WDR86: variants seen among roughly 807,000 people sequenced by gnomAD.
WDR86 encodes the protein WD repeat domain 86, also known as WD repeat-containing protein 86.
A neutral mutation model predicts 36.5 loss-of-function variants in WDR86; 30 were observed. That is an observed-to-expected ratio of 0.82 (90% CI 0.61 to 1.11). The LOEUF (loss-of-function observed/expected upper bound fraction) is 1.11. Among genes scored for constraint, WDR86 ranks in the 50% most tolerant of loss-of-function variants. The probability of loss-of-function intolerance (pLI) is 0.00; values close to 1 mark genes in which losing one functional copy is unlikely to be tolerated. For missense variants in WDR86, 545 were observed against 561.2 expected, an observed-to-expected ratio of 0.97 and a Z score of 0.29; for synonymous variants, 255 against 252.9, an observed-to-expected ratio of 1.01 and a Z score of -0.08.
chr7:151,409,346 T>TGCGGGCGCAGGAGCTGGGGTCC lies in WDR86; in HGVS notation c.163+59_163+80dup. The TGCGGGCGCAGGAGCTGGGGTCC allele has an allele frequency of 6.5e-7, 1 of 1,531,788 alleles. No homozygotes were observed. Among genetic ancestry groups the TGCGGGCGCAGGAGCTGGGGTCC allele is most frequent in the Non-Finnish European group, 8.8e-7 (1 of 1,133,522 alleles). The allele number at this position is 1,531,788 out of a possible 1,614,324, so 94.9% of individuals were successfully genotyped here. On this transcript the variant is annotated intron_variant, in intron 1 of 5. Coordinates refer to ENST00000334493, the MANE Select transcript of WDR86 (RefSeq NM_198285.3). The surrounding 1 kb of genome is among the most constrained non-coding windows in gnomAD (Gnocchi z 5.2). ...GGGGCTGGACTTCTAGAAAGGGGTC[T>TGCGGGCGCAGGAGCTGGGGTCC]GCGGGCGCAGGAGCTGGGGTCCGCG...
chr7:151,395,939 G>A lies in WDR86; in HGVS notation c.563C>T (p.Thr188Met), dbSNP rs769954351. 5.3e-5 allele frequency: 85 copies of A among 1,593,602 alleles called. No individual in the cohort carries two copies. Among genetic ancestry groups the A allele is most frequent in the Middle Eastern group, 1.8e-4 (1 of 5,598 alleles). ...CACTGCACCCGTGTGGCCCCGCAGC[G>A]TCTGGTGGCAGCAGCCGCTGGCCAC... ...WQVASGCCHQ[T>M]LRGHTGAVLC... The change falls in exon 3 of 6, where the codon ACG becomes ATG. Residue 188 changes from threonine (T) to methionine (M), a missense_variant. By Grantham distance (81) the Thr-to-Met change is moderately conservative. Coordinates refer to ENST00000334493, the MANE Select transcript of WDR86 (RefSeq NM_198285.3).
downstream of WDR86, chr7:151,378,436 A>AAT (rs1798413522): frequency 6.6e-6 from 1 of 152,236 alleles, no homozygotes; most frequent in South Asian, 2.1e-4. Context: ...AAAGGTGGGA[A>AAT]ATATATTCAA....
At chr7:151,374,121 G>A (rs1438676116), downstream of WDR86, 6 of 1,565,782 alleles carry the variant, frequency 3.8e-6, no homozygotes, top group Non-Finnish European at 5.2e-6. Context: ...AAGGAAGGAG[G>A]AAAAAGAGAA....
At chr7:151,376,706 G>A, downstream of WDR86, 1 of 1,609,048 alleles carries the variant, frequency 6.2e-7, no homozygotes, top group Non-Finnish European at 8.5e-7. Context: ...CGTCCAGCTG[G>A]CCGCCCAGAC....
chr7:151,410,063 C>T, upstream of WDR86: 1 of 986,570 alleles, frequency 1.0e-6, no homozygotes, highest in Non-Finnish European at 1.2e-6. Flanking sequence ...CCTCAGAGAC[C>T]ACCCCTCACC....
chr7:151,369,030 C>A, the WDR86 span: 1 of 957,660 alleles, frequency 1.0e-6, no homozygotes, highest in Non-Finnish European at 1.5e-6. Flanking sequence ...TTTCTTGAGA[C>A]AGAGTCTCAC....
downstream of WDR86, among the ~76,000 whole-genome samples, chr7:151,371,626 C>G (rs1038387486): frequency 6.6e-6 from 1 of 152,196 alleles, no homozygotes; most frequent in African/African-American, 2.4e-5. Context: ...AAGACAAAAA[C>G]AATGTCCCAC....
downstream of WDR86, among the ~76,000 whole-genome samples, chr7:151,379,710 G>A (rs1247234349): frequency 6.6e-6 from 1 of 152,220 alleles, no homozygotes; most frequent in Non-Finnish European, 1.5e-5. Context: ...CAGCGCCCGT[G>A]TTTTGGGTCC....
chr7:151,407,472 C>T (rs532863584), intron 1 of WDR86, among the ~76,000 whole-genome samples: 1 of 152,338 alleles, frequency 6.6e-6, no homozygotes, highest in Admixed American at 6.5e-5. Context: ...AAGCTGGGCT[C>T]CCACAACCCG....
Position 151,391,578 on chromosome 7 carries a change from G to A in WDR86, c.726+4198C>T, listed in dbSNP as rs114468571. On this transcript the variant is annotated intron_variant, in intron 3 of 5. Coordinates refer to ENST00000334493, the MANE Select transcript of WDR86 (RefSeq NM_198285.3). ...TGGATTCTGTTTCTCTGCGCACCGGGTCTGGGGCCCGACAGTCCTTTTCAA... is the reference window on the plus strand; with the variant it reads ...TGGATTCTGTTTCTCTGCGCACCGGATCTGGGGCCCGACAGTCCTTTTCAA... Among the ~76,000 whole-genome samples the A allele has an allele frequency of 9.4e-3, 1,437 of 152,258 alleles. 21 individuals are homozygous for A. The highest frequency in any genetic ancestry group is 0.033 in the African/African-American group (1,366 of 41,524).
chr7:151,400,807 A>C (rs1267696934), intron 1 of WDR86, among the ~76,000 whole-genome samples: 1 of 152,236 alleles, frequency 6.6e-6, no homozygotes, highest in Non-Finnish European at 1.5e-5. Context: ...AACCATGGCG[A>C]CTGCGCCGTC....
chr7:151,371,742 A>G (rs1181110004), downstream of WDR86, among the ~76,000 whole-genome samples: 1 of 152,180 alleles, frequency 6.6e-6, no homozygotes, highest in Non-Finnish European at 1.5e-5. Flanking sequence ...ATGTAAAACA[A>G]TTCGTTCATG....
rs893410207 is a variant in WDR86 at position 151,409,247 on chromosome 7, T to A, written c.163+180A>T. The A allele has an allele frequency of 5.2e-4, 435 of 839,400 alleles. No homozygotes were observed. The highest frequency in any genetic ancestry group is 1.2e-3 in the East Asian group (21 of 17,170). 52.0% of individuals were successfully genotyped at this position (839,400 alleles called of 1,614,324 possible). On this transcript the variant is annotated intron_variant, in intron 1 of 5. Coordinates refer to ENST00000334493, the MANE Select transcript of WDR86 (RefSeq NM_198285.3). This position sits in a 1 kb window ranked among gnomAD's most constrained non-coding sequence, Gnocchi z 5.2. The stretch of plus-strand genomic sequence containing the variant: ...CGCACCCCACCCCCAGACCTCACCC[T>A]GCCCTGCCGTGCGCTCAACAGCCAG...
chr7:151,374,364 T>C, downstream of WDR86: 1 of 1,282,648 alleles, frequency 7.8e-7, no homozygotes, highest in Non-Finnish European at 1.1e-6. Flanking sequence ...GTCATCCGGA[T>C]CTGAAGGGCA....
chr7:151,395,627 C>G, intron 3 of WDR86, 149 bp downstream of exon 3: 1 of 973,886 alleles, frequency 1.0e-6, no homozygotes, highest in Non-Finnish European at 1.5e-6. Context: ...TTCCCAGCCC[C>G]AGGACCGCAA....
chr7:151,395,189 C>T (rs1585023114), intron 3 of WDR86, among the ~76,000 whole-genome samples: 1 of 152,192 alleles, frequency 6.6e-6, no homozygotes, highest in South Asian at 2.1e-4. Flanking sequence ...AGGACGGAGC[C>T]CAGGAGGCTG....
intron 3 of WDR86, among the ~76,000 whole-genome samples, chr7:151,391,312 C>T (rs959195662): frequency 2.6e-5 from 4 of 152,260 alleles, no homozygotes; most frequent in Non-Finnish European, 5.9e-5. Flanking sequence ...CCCTGAATCT[C>T]TGTCAGGAAG....
intron 1 of WDR86, among the ~76,000 whole-genome samples, chr7:151,404,517 CG>C (rs1265889033): frequency 1.3e-5 from 2 of 152,144 alleles, no homozygotes; most frequent in Non-Finnish European, 2.9e-5. Flanking sequence ...GTCACCCTAG[CG>C]GGGAGGAGGC....
chr7:151,398,403 A>G (rs1173170534), intron 2 of WDR86, among the ~76,000 whole-genome samples: 12 of 133,112 alleles, frequency 9.0e-5, no homozygotes, highest in Admixed American at 8.7e-4. Context: ...GTATGGGTGT[A>G]TATGTATGTT....
Sources: gnomAD v4.1 joint callset for allele counts (sites outside exome capture counted in the v4.1 genomes callset) on GRCh38, gnomAD v4.1.1 for gene constraint, Gnocchi (gnomAD v3.1) non-coding constraint, MANE v1.5 for transcripts, NCBI Gene and HGNC (gene_info 2026-07-23, HGNC 2026-07-21) for gene names.